SH3D19: variants seen among roughly 807,000 people sequenced by gnomAD.
SH3D19 encodes the protein SH3 domain-containing protein 19.
In SH3D19, 58 loss-of-function variants were observed where a neutral mutation model predicts 112.1. The observed-to-expected ratio is 0.52, with a 90% CI of 0.42 to 0.64. The LOEUF is 0.64. SH3D19 is among the 30% of genes least tolerant of loss of function. The pLI is 0.00. For synonymous variants in SH3D19, 391 were observed against 448.5 expected, an observed-to-expected ratio of 0.87 and a Z score of 1.62; for missense variants, 1,090 against 1,263.4, an observed-to-expected ratio of 0.86 and a Z score of 2.08.
chr4:151,135,164 A>AT (rs35596082), intron 14 of SH3D19, 32 bp from the exon 15 acceptor site: 8 of 1,533,252 alleles, frequency 5.2e-6, no homozygotes, highest in Admixed American at 2.1e-5. Flanking sequence ...CAACAATTAT[A>AT]TTTTTTTCAG....
At chr4:151,218,621 T>C (rs1399450124) in intron 2 of SH3D19, among the ~76,000 whole-genome samples, 1 of 152,224 alleles carries the variant, frequency 6.6e-6, no homozygotes, top group Non-Finnish European at 1.5e-5. Context: ...TTGCAAATCC[T>C]ATCTCTTAGC....
intron 17 of SH3D19, among the ~76,000 whole-genome samples, chr4:151,130,404 T>C (rs1336344276): frequency 6.6e-6 from 1 of 151,682 alleles, no homozygotes; most frequent in Non-Finnish European, 1.5e-5. Context: ...ACACTGCACT[T>C]AGCCTGGGCA....
chr4:151,192,039 G>A (rs1230360251), intron 2 of SH3D19, among the ~76,000 whole-genome samples: 1 of 149,186 alleles, frequency 6.7e-6, no homozygotes, highest in African/African-American at 2.5e-5. Flanking sequence ...CCGCCTCCTG[G>A]GTTCACGCCA....
Position 151,144,022 on chromosome 4 carries a change from T to C in SH3D19, c.2111A>G (p.Gln704Arg). The C allele has an allele frequency of 1.9e-6, 3 of 1,614,116 alleles. No individual in the cohort carries two copies. The highest frequency in any genetic ancestry group is 2.5e-6 in the Non-Finnish European group (3 of 1,180,000). The part of the protein sequence containing the change: ...MRGDVLVMLK[Q>R]TENNYLECQK... ...GCACTCCAAGTAATTATTTTCCGTC[T>C]GCTTCAGCATCACAAGTACATCCCC... Residue 704 changes from glutamine (Q) to arginine (R), a missense_variant, in exon 12 of 20, where the codon CAG (glutamine) becomes CGG (arginine). Transcript: ENST00000604030.
At chr4:151,296,640 C>T (rs893235321) in intron 1 of SH3D19, among the ~76,000 whole-genome samples, 1 of 152,062 alleles carries the variant, frequency 6.6e-6, no homozygotes, top group African/African-American at 2.4e-5. Flanking sequence ...AGCATTTCTG[C>T]CTTAAAAATG....
At chr4:151,160,079 TTTTA>T (rs1012134167) in intron 8 of SH3D19, among the ~76,000 whole-genome samples, 10 of 151,498 alleles carry the variant, frequency 6.6e-5, no homozygotes, top group Non-Finnish European at 1.2e-4. Context: ...ATTCAATGTG[TTTTA>T]TTTCTTTTTT....
At chr4:151,182,002 T>A (rs904437504) in intron 3 of SH3D19, among the ~76,000 whole-genome samples, 1 of 152,056 alleles carries the variant, frequency 6.6e-6, no homozygotes, top group Non-Finnish European at 1.5e-5. Flanking sequence ...TTTTTTTATT[T>A]TTTTGAGACA....
chr4:151,139,807 G>C lies in SH3D19; in HGVS notation c.2264C>G (p.Pro755Arg). 6.2e-7 allele frequency: 1 copy of C among 1,614,160 alleles called. No individual in the cohort carries two copies. The highest frequency in any genetic ancestry group is 8.5e-7 in the Non-Finnish European group (1 of 1,180,022). Residue 755 changes from proline (P) to arginine (R), a missense_variant, in exon 13 of 20, where the codon CCT becomes CGT. Physicochemically the swap from Pro to Arg is moderately radical, Grantham distance 103. Coordinates refer to ENST00000604030, the MANE Select transcript of SH3D19 (RefSeq NM_001378122.1). ...GAAATCATGAAGAACGACAGCATGA[G>C]GAGCACCACTGTCAACAGGCTTCTG... ...HAQKPVDSGA[P>R]HAVVLHDFPA...
intron 2 of SH3D19, among the ~76,000 whole-genome samples, chr4:151,222,232 A>G (rs1178123730): frequency 1.3e-5 from 2 of 152,222 alleles, no homozygotes; most frequent in African/African-American, 4.8e-5. Context: ...AGGAACACAC[A>G]CAACAGTTCT....
chr4:151,295,840 A>T (rs1283805720), intron 1 of SH3D19, among the ~76,000 whole-genome samples: 1 of 152,156 alleles, frequency 6.6e-6, no homozygotes, highest in Non-Finnish European at 1.5e-5. Context: ...GATCAAGACC[A>T]TCCTGGCCAA....
At position 151,132,928 on chromosome 4, in the gene SH3D19, C is replaced by T. The variant is rs72723712; in HGVS notation, c.2689+106G>A. 2,936 of 967,816 alleles carry T rather than the reference C, an allele frequency of 3.0e-3. 3 individuals are homozygous for T. The highest frequency in any genetic ancestry group is 3.3e-3 in the Non-Finnish European group (2,196 of 657,980). The allele number at this position is 967,816 out of a possible 1,614,324, so 60.0% of individuals were successfully genotyped here. ...ATTTTAAAATCAGTTTTCCTTCTAC[C>T]GTAAAAATATGGCAATATGGATTAT... On this transcript the variant is annotated intron_variant, in intron 16 of 19. Transcript: ENST00000604030.
chr4:151,308,189 A>G (rs1229284483), intron 1 of SH3D19, among the ~76,000 whole-genome samples: 4 of 152,208 alleles, frequency 2.6e-5, no homozygotes, highest in African/African-American at 4.8e-5. Context: ...TACAAGCATG[A>G]GCCACCATGC....
At chr4:151,276,163 T>C (rs1773603035) in intron 1 of SH3D19, among the ~76,000 whole-genome samples, 1 of 152,134 alleles carries the variant, frequency 6.6e-6, no homozygotes, top group Non-Finnish European at 1.5e-5. Context: ...AAACTGCTTA[T>C]ATGTTTCTTT....
intron 3 of SH3D19, among the ~76,000 whole-genome samples, chr4:151,183,424 G>A (rs1761262039): frequency 6.6e-6 from 1 of 152,180 alleles, no homozygotes; most frequent in Admixed American, 6.5e-5. Context: ...TCACAAGCCT[G>A]GAAAGACCCT....
intron 1 of SH3D19, among the ~76,000 whole-genome samples, chr4:151,322,179 T>C (rs1262888836): frequency 6.6e-6 from 1 of 152,106 alleles, no homozygotes; most frequent in Non-Finnish European, 1.5e-5. Flanking sequence ...CCAGGTGCAG[T>C]GGCTCACACC....
chr4:151,214,393 C>T (rs1482657083), intron 2 of SH3D19, among the ~76,000 whole-genome samples: 2 of 105,884 alleles, frequency 1.9e-5, no homozygotes, highest in African/African-American at 5.8e-5. Context: ...GCACACCTCC[C>T]AGACGGGGTG....
At chr4:151,166,494 C>CTT (rs545395405) in intron 7 of SH3D19, among the ~76,000 whole-genome samples, 9 of 142,194 alleles carry the variant, frequency 6.3e-5, no homozygotes, top group African/African-American at 1.5e-4. Context: ...AATGACTATA[C>CTT]TTTTTTTTTT....
At chr4:151,149,641 T>A in intron 9 of SH3D19, 80 bp from the exon 10 acceptor site, 2 of 1,265,176 alleles carry the variant, frequency 1.6e-6, no homozygotes, top group Non-Finnish European at 2.3e-6. Flanking sequence ...GGCAACCTTT[T>A]GGCTGGATCT....
intron 1 of SH3D19, among the ~76,000 whole-genome samples, chr4:151,228,856 C>CT (rs60356486): frequency 0.78 from 115,329 of 147,010 alleles, 47,410 homozygotes; most frequent in East Asian, 0.92. Context: ...TTTTTCTTTT[C>CT]TTTTTTTTTT....
Sources: gnomAD v4.1 joint callset for allele counts (sites outside exome capture counted in the v4.1 genomes callset) on GRCh38, gnomAD v4.1.1 for gene constraint, MANE v1.5 for transcripts, NCBI Gene and HGNC (gene_info 2026-07-23, HGNC 2026-07-21) for gene names.